The following UPP1 variants were observed in gnomAD, a reference collection of about 807,000 sequenced individuals.
UPP1 encodes uridine phosphorylase 1.
A neutral mutation model predicts 29.6 loss-of-function variants in UPP1; 25 were observed. The observed-to-expected ratio is 0.85, with a 90% CI of 0.62 to 1.18. UPP1 has a LOEUF of 1.18. Among genes scored for constraint, UPP1 ranks in the 50% most tolerant of loss-of-function variants. The pLI, the probability that UPP1 is intolerant of heterozygous loss-of-function variation, is 0.00. For synonymous variants in UPP1, 165 were observed against 159.8 expected (o/e 1.03, Z -0.25); for missense variants, 368 against 410.4 (o/e 0.90, Z 0.89).
Position 48,099,762 on chromosome 7 carries a change from T to C in UPP1, c.137T>C (p.Phe46Ser). 6.2e-7 allele frequency: 1 copy of C among 1,612,966 alleles called. No homozygotes were observed. ...AATCTCACCACTAGCAGACACAATT[T>C]CCCAGCCTTGTTTGGAGATGTGAAG... Reference protein sequence around the residue: ...HFNLTTSRHNFPALFGDVKFV... With the variant: ...HFNLTTSRHNSPALFGDVKFV... The change falls in exon 4 of 9, where the codon TTC becomes TCC. Residue 46 changes from phenylalanine to serine, a missense_variant. Transcript: ENST00000395564.
At chr7:48,104,142 C>T (rs973724503) in intron 6 of UPP1, among the ~76,000 whole-genome samples, 3 of 152,006 alleles carry the variant, frequency 2.0e-5, no homozygotes, top group Non-Finnish European at 1.5e-5. Flanking sequence ...CGCTTGAACC[C>T]GGGAGGCGGA....
At chr7:48,107,247 C>A in intron 7 of UPP1, 114 bp from the exon 8 acceptor site, 1 of 1,440,538 alleles carries the variant, frequency 6.9e-7, no homozygotes, top group Non-Finnish European at 9.5e-7. Flanking sequence ...TCATTATAGG[C>A]AGGACCTGGA....
intron 2 of UPP1, among the ~76,000 whole-genome samples, chr7:48,092,040 G>C (rs562780987): frequency 6.6e-6 from 1 of 152,214 alleles, no homozygotes; most frequent in South Asian, 2.1e-4. Flanking sequence ...AGCAGTCTCT[G>C]ATTCAGTGGG....
chr7:48,097,849 AG>A (rs72563180), intron 3 of UPP1, among the ~76,000 whole-genome samples: 3,543 of 152,284 alleles, frequency 0.023, 154 homozygotes, highest in African/African-American at 0.081. Context: ...GAGATCAAAA[AG>A]GTTTTCTGAG....
chr7:48,105,830 C>G (rs1275471164), intron 6 of UPP1: 5 of 152,192 alleles, frequency 3.3e-5, no homozygotes, highest in Non-Finnish European at 2.9e-5. Context: ...GGCCCTGCTG[C>G]CTGAAACCAT....
At chr7:48,103,469 A>C (rs1792548392) in intron 6 of UPP1, 58 bp downstream of exon 6, 2 of 1,439,620 alleles carry the variant, frequency 1.4e-6, no homozygotes, top group East Asian at 4.6e-5. Context: ...GGGGCATGCC[A>C]AGGCAGCTTC....
chr7:48,102,229 G>A (rs932894880), intron 5 of UPP1, among the ~76,000 whole-genome samples: 1 of 152,120 alleles, frequency 6.6e-6, no homozygotes, highest in African/African-American at 2.4e-5. Flanking sequence ...ACAGTGTGAG[G>A]GTGGCAGGTG....
intron 2 of UPP1, among the ~76,000 whole-genome samples, chr7:48,093,250 A>G (rs1019306457): frequency 6.6e-6 from 1 of 152,212 alleles, no homozygotes; most frequent in Non-Finnish European, 1.5e-5. Context: ...TTTGCTGGAA[A>G]TGATCACTAT....
At chr7:48,089,825 G>A (rs1435096514) in intron 1 of UPP1, among the ~76,000 whole-genome samples, 1 of 152,212 alleles carries the variant, frequency 6.6e-6, no homozygotes, top group Non-Finnish European at 1.5e-5. Flanking sequence ...GCTTCTCGCA[G>A]CCCAAACCCG....
In UPP1 at chr7:48,101,846, C is replaced by T; in HGVS notation, c.185C>T (p.Pro62Leu). The change falls in exon 5 of 9, where the codon CCC (proline) becomes CTC (leucine). Residue 62 changes from proline (P) to leucine (L), a missense_variant. By Grantham distance (98) the Pro-to-Leu change is moderately conservative. Coordinates refer to ENST00000395564, the MANE Select transcript of UPP1 (RefSeq NM_003364.4). ...CAGTTTGTGTGTGTTGGTGGAAGCC[C>T]CTCCCGGATGAAAGCCTTCATCAGG... ...DVKFVCVGGS[P>L]SRMKAFIRCV... 1 of 1,613,910 alleles carries T rather than the reference C, an allele frequency of 6.2e-7. No homozygotes were observed. Among genetic ancestry groups the T allele is most frequent in the African/African-American group, 1.3e-5 (1 of 74,986 alleles).
intron 6 of UPP1, chr7:48,104,636 G>T (rs1050999275): frequency 3.3e-5 from 5 of 152,196 alleles, no homozygotes; most frequent in South Asian, 2.1e-4. Context: ...ATGTTATCTT[G>T]TCTCTTTTCT....
At chr7:48,097,479 C>T (rs1389569963) in intron 3 of UPP1, among the ~76,000 whole-genome samples, 1 of 152,166 alleles carries the variant, frequency 6.6e-6, no homozygotes, top group East Asian at 1.9e-4. Context: ...AGTGATCCAC[C>T]TGCGTTGGCC....
chr7:48,103,690 G>A (rs1792559924), intron 6 of UPP1: 1 of 1,217,676 alleles, frequency 8.2e-7, no homozygotes, highest in African/African-American at 1.5e-5. Context: ...GTGCCTTCTT[G>A]TCTGCTTGAT....
At chr7:48,091,685 C>G (rs1022853192) in intron 2 of UPP1, among the ~76,000 whole-genome samples, 3 of 152,172 alleles carry the variant, frequency 2.0e-5, no homozygotes, top group Non-Finnish European at 4.4e-5. Context: ...TAAATAGACC[C>G]TCCCTGAGTG....
intron 6 of UPP1, chr7:48,105,991 C>G (rs768152937): frequency 2.6e-5 from 4 of 152,208 alleles, no homozygotes; most frequent in Admixed American, 6.5e-5. Context: ...GAAACTACTC[C>G]AGGAAGGCAC....
Position 48,108,405 on chromosome 7 carries a change from A to G in UPP1, c.*48A>G. ...ACCTGCTGTGATGACTTGCCATTAA[A>G]AGCATTGTCCAAAATCCCCTGTTGT... On this transcript the variant is annotated 3_prime_UTR_variant, in exon 9 of 9. Coordinates refer to ENST00000395564, the MANE Select transcript of UPP1 (RefSeq NM_003364.4). 12 of 1,576,846 alleles carry G rather than the reference A, an allele frequency of 7.6e-6. No individual in the cohort carries two copies. The highest frequency in any genetic ancestry group is 9.5e-6 in the Non-Finnish European group (11 of 1,154,256).
intron 6 of UPP1, 151 bp downstream of exon 6, chr7:48,103,562 G>A (rs1792552957): frequency 1.1e-6 from 1 of 896,140 alleles, no homozygotes; most frequent in African/African-American, 1.7e-5. Flanking sequence ...GTGAAAAGAA[G>A]CTTGTTTTGT....
At chr7:48,103,248 G>A in intron 5 of UPP1, 49 bp from the exon 6 acceptor site, 1 of 1,445,724 alleles carries the variant, frequency 6.9e-7, no homozygotes, top group Non-Finnish European at 9.7e-7. Flanking sequence ...CCAGAACATT[G>A]ACAAAGTCAC....
intron 2 of UPP1, among the ~76,000 whole-genome samples, chr7:48,091,023 A>AAAAC (rs747120218): frequency 6.6e-6 from 1 of 152,170 alleles, no homozygotes; most frequent in African/African-American, 2.4e-5. Flanking sequence ...ACTTATTGTA[A>AAAAC]AAACAAACAA....
Sources: gnomAD v4.1 joint callset for allele counts (sites outside exome capture counted in the v4.1 genomes callset) on GRCh38, gnomAD v4.1.1 for gene constraint, MANE v1.5 for transcripts, NCBI Gene and HGNC (gene_info 2026-07-23, HGNC 2026-07-21) for gene names.